Variants in SLC4A4 observed in about 807,000 individuals in gnomAD.
The protein encoded by SLC4A4 is solute carrier family 4 member 4.
In SLC4A4, 27 loss-of-function variants were observed where a neutral mutation model predicts 111.5. The observed-to-expected ratio is 0.24, with a 90% CI of 0.18 to 0.33. The LOEUF is 0.33. Ranked by LOEUF, SLC4A4 falls within the 10% of genes least tolerant of loss-of-function variation. The pLI, the probability that SLC4A4 is intolerant of heterozygous loss-of-function variation, is 1.00. For synonymous variants in SLC4A4, 443 were observed against 463.4 expected (o/e 0.96, Z 0.57); for missense variants, 909 against 1,315.5 (o/e 0.69, Z 4.78).
At chr4:71,375,230 T>G (rs1732240945) in intron 6 of SLC4A4, among the ~76,000 whole-genome samples, 1 of 152,228 alleles carries the variant, frequency 6.6e-6, no homozygotes, top group African/African-American at 2.4e-5. Flanking sequence ...TACCTCCTCA[T>G]GTGGAAGTGT....
rs75659022 is a variant in SLC4A4 at position 71,517,967 on chromosome 4, C to T, written c.2167-14095C>T. Among the ~76,000 whole-genome samples, 320 of 152,184 alleles carry T rather than the reference C, an allele frequency of 2.1e-3. 13 individuals carry two copies. In the East Asian group the frequency reaches 0.059, roughly 28 times the overall value. ...TGGGGCCTGGGTCCATGAGGGCTGG[C>T]CTAGAACTTGAGTCTGTAGGAGTGG... On this transcript the variant is annotated intron_variant, in intron 16 of 25. Coordinates refer to ENST00000264485, the MANE Select transcript of SLC4A4 (RefSeq NM_001098484.3).
intron 7 of SLC4A4, among the ~76,000 whole-genome samples, chr4:71,413,648 T>C (rs551374216): frequency 6.6e-6 from 1 of 152,272 alleles, no homozygotes; most frequent in Admixed American, 6.5e-5. Context: ...TCTGTCCCCA[T>C]GGTATGGTGG....
chr4:71,089,872 G>A (rs904909108), intron 1 of SLC4A4, among the ~76,000 whole-genome samples: 14 of 147,550 alleles, frequency 9.5e-5, no homozygotes, highest in Admixed American at 2.8e-4. Flanking sequence ...CAGTTTGTCT[G>A]TTCTCAGATC....
At chr4:71,516,643 C>T (rs187960256) in intron 16 of SLC4A4, among the ~76,000 whole-genome samples, 4 of 152,208 alleles carry the variant, frequency 2.6e-5, no homozygotes, top group Non-Finnish European at 4.4e-5. Context: ...AGATTGCAGC[C>T]GACTGTGTAA....
intron 1 of SLC4A4, among the ~76,000 whole-genome samples, chr4:71,203,367 C>A (rs189474717): frequency 2.0e-5 from 3 of 152,040 alleles, no homozygotes; most frequent in African/African-American, 7.3e-5. Context: ...TCTTTCACTG[C>A]GTAAGAGATA....
chr4:71,085,691 G>C (rs1008240080), intron 1 of SLC4A4, among the ~76,000 whole-genome samples: 2 of 152,154 alleles, frequency 1.3e-5, no homozygotes, highest in East Asian at 1.9e-4. Flanking sequence ...GTTTTTGTCA[G>C]GTTTGTCAAA....
chr4:71,097,915 A>G (rs1426084713), intron 2 of SLC4A4, among the ~76,000 whole-genome samples: 1 of 152,148 alleles, frequency 6.6e-6, no homozygotes, highest in Non-Finnish European at 1.5e-5. Flanking sequence ...GATGCTGGAT[A>G]TTAGACCTTT....
chr4:71,335,824 C>CAA (rs201681412), intron 3 of SLC4A4, among the ~76,000 whole-genome samples: 32 of 133,934 alleles, frequency 2.4e-4, no homozygotes, highest in South Asian at 4.6e-4. Flanking sequence ...GACTCTGTCT[C>CAA]AAAAAAAAAA....
At position 71,434,177 on chromosome 4, in the gene SLC4A4, T is replaced by C. The variant is rs150119663; in HGVS notation, c.808-6439T>C. ...TCAACTGTTGGTGTGGGATGTTTTT[T>C]CTTTAAAAATGAAGATTGAAACAAA... is the stretch of plus-strand genomic sequence containing the variant. On this transcript the variant is annotated intron_variant, in intron 7 of 25. Transcript: ENST00000264485. 5.7e-3 allele frequency among the ~76,000 whole-genome samples: 861 copies of C among 152,166 alleles called. 9 individuals carry two copies. Among genetic ancestry groups the C allele is most frequent in the African/African-American group, 0.019 (805 of 41,538 alleles).
chr4:71,349,649 A>G (rs1040228627), intron 4 of SLC4A4, among the ~76,000 whole-genome samples: 4 of 152,224 alleles, frequency 2.6e-5, no homozygotes, highest in Admixed American at 1.3e-4. Flanking sequence ...GGTTACATAT[A>G]GGCAGATATA....
chr4:71,559,510 A>C (rs1460099713), intron 22 of SLC4A4, among the ~76,000 whole-genome samples: 1 of 151,870 alleles, frequency 6.6e-6, no homozygotes, highest in Non-Finnish European at 1.5e-5. Context: ...TCTGAAGAAT[A>C]AATGAGATAA....
At chr4:71,324,306 G>A (rs1415050279) in intron 3 of SLC4A4, among the ~76,000 whole-genome samples, 1 of 151,914 alleles carries the variant, frequency 6.6e-6, no homozygotes, top group Non-Finnish European at 1.5e-5. Context: ...CATTGAGGCT[G>A]CTAAAAACTA....
At chr4:71,458,592 G>A (rs1726511093) in intron 12 of SLC4A4, among the ~76,000 whole-genome samples, 1 of 152,038 alleles carries the variant, frequency 6.6e-6, no homozygotes, top group Admixed American at 6.6e-5. Context: ...AAGGGAACTT[G>A]TCTCATAATA....
intron 1 of SLC4A4, among the ~76,000 whole-genome samples, chr4:71,231,479 T>C (rs1719420251): frequency 6.6e-6 from 1 of 152,202 alleles, no homozygotes; most frequent in South Asian, 2.1e-4. Context: ...TGTGTTACAG[T>C]TAAATCATTG....
At chr4:71,464,890 T>G (rs1727171258) in intron 12 of SLC4A4, among the ~76,000 whole-genome samples, 1 of 152,210 alleles carries the variant, frequency 6.6e-6, no homozygotes, top group African/African-American at 2.4e-5. Context: ...GCACTTACTG[T>G]GTAAGTTTTG....
At chr4:71,325,746 G>A (rs143801632) in intron 3 of SLC4A4, among the ~76,000 whole-genome samples, 54 of 151,990 alleles carry the variant, frequency 3.6e-4, no homozygotes, top group Admixed American at 3.3e-4. Context: ...CTCAGACCTG[G>A]GTCATAGGGC....
intron 1 of SLC4A4, among the ~76,000 whole-genome samples, chr4:71,214,251 T>C (rs1319139558): frequency 6.6e-6 from 1 of 152,128 alleles, no homozygotes; most frequent in Non-Finnish European, 1.5e-5. Flanking sequence ...AAGTGTGTCA[T>C]CCTCAGCCTA....
At chr4:71,314,791 G>T (rs1726544028) in intron 3 of SLC4A4, among the ~76,000 whole-genome samples, 1 of 151,894 alleles carries the variant, frequency 6.6e-6, no homozygotes, top group Non-Finnish European at 1.5e-5. Flanking sequence ...AGGGGAGGGA[G>T]AGCATTAGGA....
At chr4:71,150,693 T>C (rs1206737047) in intron 2 of SLC4A4, among the ~76,000 whole-genome samples, 1 of 152,186 alleles carries the variant, frequency 6.6e-6, no homozygotes, top group African/African-American at 2.4e-5. Flanking sequence ...GAGATGGAAA[T>C]GGGAGAAGTG....
Sources: gnomAD v4.1 joint callset for allele counts (sites outside exome capture counted in the v4.1 genomes callset) on GRCh38, gnomAD v4.1.1 for gene constraint, MANE v1.5 for transcripts, NCBI Gene and HGNC (gene_info 2026-07-23, HGNC 2026-07-21) for gene names.